The following UBASH3B variants were observed in gnomAD, a reference collection of about 807,000 sequenced individuals.
UBASH3B encodes the protein ubiquitin associated and SH3 domain containing B.
Under a neutral mutation model 83.4 loss-of-function variants are expected in UBASH3B, and 37 were observed. That is an observed-to-expected ratio of 0.44 (90% CI 0.34 to 0.58). The LOEUF (loss-of-function observed/expected upper bound fraction) is 0.58, where lower values mean the gene tolerates loss of function less well. Among genes scored for constraint, UBASH3B ranks in the 20% least tolerant of loss-of-function variants. UBASH3B has a pLI of 0.01. For missense variants in UBASH3B, 657 were observed against 827.2 expected, an observed-to-expected ratio of 0.79 and a Z score of 2.52; for synonymous variants, 304 against 318.3, an observed-to-expected ratio of 0.96 and a Z score of 0.48.
intron 6 of UBASH3B, among the ~76,000 whole-genome samples, chr11:122,789,870 C>T (rs1254781859): frequency 6.6e-6 from 1 of 152,210 alleles, no homozygotes; most frequent in Non-Finnish European, 1.5e-5. Flanking sequence ...CATTTCCCCC[C>T]TCCCCTCTGC....
chr11:122,804,434 A>G (rs967240111), intron 11 of UBASH3B, among the ~76,000 whole-genome samples: 7 of 152,172 alleles, frequency 4.6e-5, no homozygotes, highest in Non-Finnish European at 1.0e-4. Flanking sequence ...GCCGGTGTGC[A>G]CAGAAGGCCA....
chr11:122,792,956 G>A (rs1374800901), intron 6 of UBASH3B, among the ~76,000 whole-genome samples: 4 of 152,058 alleles, frequency 2.6e-5, no homozygotes, highest in African/African-American at 9.7e-5. Context: ...CTGAGACTTC[G>A]TTTATAAGTA....
chr11:122,730,687 C>T (rs1565544664), intron 1 of UBASH3B, among the ~76,000 whole-genome samples: 1 of 152,042 alleles, frequency 6.6e-6, no homozygotes. Flanking sequence ...CCTCTGCCTC[C>T]CAGGTTCAAG....
At chr11:122,804,410 C>G (rs1861304348) in intron 11 of UBASH3B, among the ~76,000 whole-genome samples, 1 of 152,114 alleles carries the variant, frequency 6.6e-6, no homozygotes, top group Non-Finnish European at 1.5e-5. Flanking sequence ...CGGCATCCTT[C>G]CCCTGGACAG....
rs955628174 is a variant in UBASH3B at position 122,737,439 on chromosome 11, AAG to A, written c.162-38774_162-38773del. 3.9e-5 allele frequency among the ~76,000 whole-genome samples: 6 copies of A among 152,282 alleles called. No homozygotes were observed. The East Asian group carries it at 7.7e-4, about 20-fold the overall frequency. ...TGAATTAGATAGGAGAGGTGAGAGA[AAG>A]AGAGAAGTCAAGGATGGATCTTAGG... is the stretch of plus-strand genomic sequence containing the variant. On this transcript the variant is annotated intron_variant, in intron 1 of 13. Transcript: ENST00000284273.
At chr11:122,782,440 G>A (rs1235502345) in intron 4 of UBASH3B, 2 of 152,216 alleles carry the variant, frequency 1.3e-5, no homozygotes, top group Non-Finnish European at 2.9e-5. Context: ...AGCTTGGAGA[G>A]TGCTGCTGAC....
At chr11:122,788,837 G>C (rs1861001095) in intron 5 of UBASH3B, among the ~76,000 whole-genome samples, 1 of 152,158 alleles carries the variant, frequency 6.6e-6, no homozygotes, top group Non-Finnish European at 1.5e-5. Context: ...AACGATACTT[G>C]AATCCTGATG....
chr11:122,716,950 C>T (rs1860535961), intron 1 of UBASH3B, among the ~76,000 whole-genome samples: 2 of 152,124 alleles, frequency 1.3e-5, no homozygotes, highest in Admixed American at 1.3e-4. Context: ...AGCCTCATCT[C>T]CCCTTCTCCC....
intron 1 of UBASH3B, among the ~76,000 whole-genome samples, chr11:122,722,851 G>GC (rs1399056334): frequency 1.3e-5 from 2 of 151,988 alleles, no homozygotes; most frequent in East Asian, 3.9e-4. Context: ...GACTACAGGT[G>GC]CCCGCAACCA....
At chr11:122,675,707 A>G (rs1863658621) in intron 1 of UBASH3B, among the ~76,000 whole-genome samples, 1 of 152,200 alleles carries the variant, frequency 6.6e-6, no homozygotes, top group Non-Finnish European at 1.5e-5. Flanking sequence ...ACAGGATGTA[A>G]TCCTGGCCCC....
intron 1 of UBASH3B, among the ~76,000 whole-genome samples, chr11:122,690,212 A>ACTT (rs1863873007): frequency 4.6e-5 from 1 of 21,714 alleles, no homozygotes; most frequent in Non-Finnish European, 9.5e-5. Flanking sequence ...ATATATATCC[A>ACTT]ATTATATATA....
At chr11:122,776,459 T>C (rs1860736969) in intron 2 of UBASH3B, among the ~76,000 whole-genome samples, 187 bp downstream of exon 2, 1 of 152,156 alleles carries the variant, frequency 6.6e-6, no homozygotes, top group Non-Finnish European at 1.5e-5. Context: ...TGTTTCTCCT[T>C]GGAGCTGTTT....
chr11:122,794,046 C>G lies in UBASH3B; in HGVS notation c.981-656C>G, dbSNP rs752149371. On this transcript the variant is annotated intron_variant, in intron 6 of 13. Coordinates refer to ENST00000284273, the MANE Select transcript of UBASH3B (RefSeq NM_032873.5). ...GATTTCTTTTGAACCAGAAAAATAG[C>G]TGCAAACAGATCATTGATACGTTGT... is the stretch of plus-strand genomic sequence containing the variant. Among the ~76,000 whole-genome samples, 94 of 152,156 alleles carry G rather than the reference C, an allele frequency of 6.2e-4. 2 individuals are homozygous for G. Among genetic ancestry groups the G allele is most frequent in the Admixed American group, 2.0e-4 (3 of 15,276 alleles).
intron 6 of UBASH3B, 27 bp from the exon 7 acceptor site, chr11:122,794,675 T>C (rs1399682722): frequency 1.2e-6 from 2 of 1,613,714 alleles, no homozygotes; most frequent in African/African-American, 2.7e-5. Flanking sequence ...CCAGAGCAGT[T>C]AACACCTTCC....
intron 10 of UBASH3B, among the ~76,000 whole-genome samples, chr11:122,800,023 G>A (rs1466685130): frequency 6.6e-6 from 1 of 152,112 alleles, no homozygotes; most frequent in African/African-American, 2.4e-5. Flanking sequence ...CAGAACAACT[G>A]GACTACATGC....
intron 1 of UBASH3B, among the ~76,000 whole-genome samples, chr11:122,704,472 G>A (rs1390039876): frequency 6.6e-6 from 1 of 151,988 alleles, no homozygotes; most frequent in African/African-American, 2.4e-5. Context: ...GTGTTAGAGA[G>A]GCCACTTTCC....
chr11:122,748,026 C>T (rs1005367532), intron 1 of UBASH3B, among the ~76,000 whole-genome samples: 9 of 152,222 alleles, frequency 5.9e-5, no homozygotes, highest in Non-Finnish European at 1.3e-4. Flanking sequence ...GCTATGAAAT[C>T]ATTAACTGGG....
intron 1 of UBASH3B, among the ~76,000 whole-genome samples, chr11:122,754,981 C>A (rs768492988): frequency 1.3e-5 from 2 of 152,128 alleles, no homozygotes; most frequent in African/African-American, 4.8e-5. Context: ...CACGTTGGAG[C>A]GGTGGAATGG....
intron 1 of UBASH3B, among the ~76,000 whole-genome samples, chr11:122,738,069 AC>A (rs1860963349): frequency 6.6e-6 from 1 of 152,214 alleles, no homozygotes; most frequent in Admixed American, 6.5e-5. Context: ...AAAGTAGAGA[AC>A]AAAGGGAGGG....
Sources: gnomAD v4.1 joint callset for allele counts (sites outside exome capture counted in the v4.1 genomes callset) on GRCh38, gnomAD v4.1.1 for gene constraint, MANE v1.5 for transcripts, NCBI Gene and HGNC (gene_info 2026-07-23, HGNC 2026-07-21) for gene names.